The following ASB3 variants were observed in gnomAD, a reference collection of about 807,000 sequenced individuals.
ASB3 encodes ankyrin repeat and SOCS box containing 3, also known as ankyrin repeat and SOCS box protein 3.
Under a neutral mutation model 54.5 loss-of-function variants are expected in ASB3, and 41 were observed. The observed-to-expected ratio is 0.75, with a 90% CI of 0.59 to 0.98. The LOEUF is 0.98. ASB3 is among the 50% of genes least tolerant of loss of function. The pLI is 0.00. For synonymous variants in ASB3, 266 were observed against 221.2 expected (o/e 1.20, Z -1.80); for missense variants, 733 against 620.0 (o/e 1.18, Z -1.94).
At chr2:53,739,704 C>A (rs370426740) in intron 3 of ASB3, among the ~76,000 whole-genome samples, 6 of 152,130 alleles carry the variant, frequency 3.9e-5, no homozygotes, top group African/African-American at 1.4e-4. Flanking sequence ...AAGATAGGGT[C>A]TGGCTCTGTT....
At chr2:53,768,578 G>C (rs1429587418) in intron 1 of ASB3, among the ~76,000 whole-genome samples, 4 of 152,160 alleles carry the variant, frequency 2.6e-5, no homozygotes, top group African/African-American at 9.7e-5. Context: ...ATTTTCGCTG[G>C]TTATTAAGGA....
Position 53,670,495 on chromosome 2 carries a change from T to G in ASB3, c.*8A>C, listed in dbSNP as rs1667754344. ...AAAAAATTAGCTGTGTTAAGTAGTT[T>G]CACTGATTTATCCATCTTGAATAGC... is the stretch of plus-strand genomic sequence containing the variant. On this transcript the variant is annotated 3_prime_UTR_variant, in exon 10 of 10. Coordinates refer to ENST00000263634, the MANE Select transcript of ASB3 (RefSeq NM_016115.5). 6.2e-7 allele frequency: 1 copy of G among 1,611,262 alleles called. No individual in the cohort carries two copies. The highest frequency in any genetic ancestry group is 8.5e-7 in the Non-Finnish European group (1 of 1,179,490).
At position 53,740,519 on chromosome 2, in the gene ASB3, T is replaced by C. The variant is rs541177963; in HGVS notation, c.355+10264A>G. ...GCAGCAGAACAATTATTAAAATCTT[T>C]AGTCTGAAATGTAGTATTTTATTGA... is the stretch of plus-strand genomic sequence containing the variant. On this transcript the variant is annotated intron_variant, in intron 3 of 9. Transcript: ENST00000263634. Among the ~76,000 whole-genome samples, 84 of 152,328 alleles carry C rather than the reference T, an allele frequency of 5.5e-4. 1 individual carries two copies. Among genetic ancestry groups the C allele is most frequent in the African/African-American group, 2.0e-3 (84 of 41,572 alleles).
At chr2:53,732,249 C>T (rs1671362191) in intron 3 of ASB3, among the ~76,000 whole-genome samples, 2 of 152,206 alleles carry the variant, frequency 1.3e-5, no homozygotes, top group South Asian at 4.1e-4. Flanking sequence ...GCATGAGCCA[C>T]TGCACCTGGC....
chr2:53,672,781 G>A (rs114378906), intron 9 of ASB3, among the ~76,000 whole-genome samples: 2,302 of 152,268 alleles, frequency 0.015, 49 homozygotes, highest in African/African-American at 0.051. Flanking sequence ...GAAACAAGGT[G>A]AGTGCATAAT....
intron 8 of ASB3, 123 bp from the exon 9 acceptor site, chr2:53,694,137 G>A: frequency 1.8e-6 from 2 of 1,113,480 alleles, no homozygotes; most frequent in Non-Finnish European, 2.5e-6. Context: ...GAAAACCAGG[G>A]CATGTTAAGT....
intron 1 of ASB3, chr2:53,774,852 A>T (rs541823225): frequency 5.3e-6 from 1 of 187,044 alleles, no homozygotes; most frequent in South Asian, 1.7e-4. Context: ...CTATTTTGAA[A>T]TTCTAAACAA....
At chr2:53,714,721 C>A in intron 6 of ASB3, 140 bp from the exon 7 acceptor site, 1 of 790,348 alleles carries the variant, frequency 1.3e-6, no homozygotes, top group Non-Finnish European at 2.0e-6. Context: ...TACCTTCTAC[C>A]AACAACATTA....
intron 7 of ASB3, among the ~76,000 whole-genome samples, chr2:53,701,598 C>T (rs948290913): frequency 1.3e-5 from 2 of 152,052 alleles, no homozygotes; most frequent in African/African-American, 4.8e-5. Flanking sequence ...GAAAATGATC[C>T]ATATGAAAAA....
intron 9 of ASB3, among the ~76,000 whole-genome samples, chr2:53,685,837 T>C (rs1668603845): frequency 6.6e-6 from 1 of 152,218 alleles, no homozygotes; most frequent in Non-Finnish European, 1.5e-5. Flanking sequence ...TGGCTGACAT[T>C]TCACACAATC....
chr2:53,705,002 C>T (rs1669692982), intron 7 of ASB3, among the ~76,000 whole-genome samples: 1 of 152,172 alleles, frequency 6.6e-6, no homozygotes, highest in South Asian at 2.1e-4. Context: ...GACCTGTGAT[C>T]CTACTTTGGT....
Position 53,670,687 on chromosome 2 carries a change from G to A in ASB3, c.1373C>T (p.Thr458Ile). 3 of 1,598,686 alleles carry A rather than the reference G, an allele frequency of 1.9e-6. No homozygotes were observed. The highest frequency in any genetic ancestry group is 2.6e-6 in the Non-Finnish European group (3 of 1,173,552). The stretch of plus-strand genomic sequence containing the variant: ...ACAAAGATGGGTCAGGGATGGAACA[G>A]TGGCTGGAGAAACAAAAAAAGCAAG... ...NAWILQQHIA[T>I]VPSLTHLCRL... The change falls in exon 10 of 10, where the codon ACT (threonine) becomes ATT (isoleucine). Residue 458 changes from threonine to isoleucine, a missense_variant. By Grantham distance (89) the Thr-to-Ile change is moderately conservative (BLOSUM62 -1). Coordinates refer to ENST00000263634, the MANE Select transcript of ASB3 (RefSeq NM_016115.5).
chr2:53,745,353 T>C (rs1277583963), intron 3 of ASB3, among the ~76,000 whole-genome samples: 1 of 152,192 alleles, frequency 6.6e-6, no homozygotes, highest in Non-Finnish European at 1.5e-5. Context: ...ACAATATTCA[T>C]GTAGAAAGAT....
At chr2:53,759,542 T>G (rs1217442773) in intron 2 of ASB3, among the ~76,000 whole-genome samples, 1 of 151,978 alleles carries the variant, frequency 6.6e-6, no homozygotes, top group African/African-American at 2.4e-5. Context: ...TTTTTTATAA[T>G]AAAGATCAGG....
intron 6 of ASB3, among the ~76,000 whole-genome samples, chr2:53,715,543 C>G (rs1160185517): frequency 2.6e-5 from 4 of 151,930 alleles, no homozygotes; most frequent in Admixed American, 6.6e-5. Context: ...AGTTTTGGTA[C>G]CATTTAAAGT....
chr2:53,701,910 T>C (rs1298637139), intron 7 of ASB3, among the ~76,000 whole-genome samples: 2 of 152,196 alleles, frequency 1.3e-5, no homozygotes, highest in East Asian at 1.9e-4. Flanking sequence ...TTTCAAATCT[T>C]TGTAGATCCA....
At chr2:53,671,351 AGCGTGT>A (rs1391696568) in intron 9 of ASB3, among the ~76,000 whole-genome samples, 119 of 115,160 alleles carry the variant, frequency 1.0e-3, no homozygotes, top group African/African-American at 3.5e-3. Context: ...CTGAACCCAA[AGCGTGT>A]GTGTGTGTGT....
At chr2:53,767,778 C>A in intron 1 of ASB3, 2 of 1,404,718 alleles carry the variant, frequency 1.4e-6, no homozygotes, top group Non-Finnish European at 1.9e-6. Context: ...AAGTGGCCAT[C>A]GCGCCTGCGC....
At chr2:53,672,586 T>G (rs1667875962) in intron 9 of ASB3, among the ~76,000 whole-genome samples, 2 of 152,204 alleles carry the variant, frequency 1.3e-5, no homozygotes, top group Non-Finnish European at 2.9e-5. Flanking sequence ...AAACTCACCT[T>G]AAAGCAGGTG....
Sources: allele counts gnomAD v4.1 joint callset (sites outside exome capture counted in the v4.1 genomes callset), GRCh38; gene constraint gnomAD v4.1.1; transcripts MANE v1.5; gene names NCBI Gene and HGNC (gene_info 2026-07-23, HGNC 2026-07-21).